PTPRG: variants seen among roughly 807,000 people sequenced by gnomAD.
The protein encoded by PTPRG is protein tyrosine phosphatase receptor type G.
A neutral mutation model predicts 165.3 loss-of-function variants in PTPRG; 102 were observed. The ratio of observed to expected loss-of-function variants is 0.62; its 90% CI spans 0.53 to 0.73. PTPRG has a LOEUF of 0.73. Among genes scored for constraint, PTPRG ranks in the 30% least tolerant of loss-of-function variants. PTPRG has a pLI of 0.00. For synonymous variants in PTPRG, 675 were observed against 669.5 expected (o/e 1.01, Z -0.13); for missense variants, 1,866 against 1,861.4 (o/e 1.00, Z -0.05).
intron 4 of PTPRG, among the ~76,000 whole-genome samples, chr3:62,039,500 T>C (rs916182745): frequency 2.0e-5 from 3 of 152,198 alleles, no homozygotes; most frequent in Non-Finnish European, 2.9e-5. Context: ...CCAAATATTG[T>C]GATGGGTGTT....
intron 1 of PTPRG, among the ~76,000 whole-genome samples, chr3:61,697,923 A>G (rs529060119): frequency 1.7e-4 from 26 of 152,170 alleles, no homozygotes; most frequent in Admixed American, 3.9e-4. Flanking sequence ...TTTTATCCCT[A>G]CAACACCAAG....
intron 8 of PTPRG, among the ~76,000 whole-genome samples, chr3:62,186,567 C>CTTTTTTTTTT (rs35133425): frequency 0.11 from 12,413 of 116,080 alleles, 1,039 homozygotes; most frequent in African/African-American, 0.18. Flanking sequence ...TTTTCTTTTC[C>CTTTTTTTTTT]TTTTTTTTTT....
intron 1 of PTPRG, among the ~76,000 whole-genome samples, chr3:61,630,631 A>G (rs753171706): frequency 2.6e-5 from 4 of 152,108 alleles, no homozygotes; most frequent in East Asian, 3.9e-4. Context: ...ATTCATTGCA[A>G]TGTGTTTGTG....
chr3:62,149,655 C>T (rs944610916), intron 6 of PTPRG, among the ~76,000 whole-genome samples: 7 of 152,180 alleles, frequency 4.6e-5, no homozygotes, highest in African/African-American at 7.2e-5. Context: ...CCCAACTTGC[C>T]GTTTCTCACC....
chr3:62,021,902 C>G (rs1325646504), intron 4 of PTPRG, among the ~76,000 whole-genome samples: 3 of 40,704 alleles, frequency 7.4e-5, no homozygotes, highest in East Asian at 1.2e-3. Flanking sequence ...TTTAGACTTT[C>G]TATTGTTTTC....
intron 5 of PTPRG, among the ~76,000 whole-genome samples, chr3:62,091,526 A>G (rs967577227): frequency 1.3e-5 from 2 of 152,142 alleles, no homozygotes; most frequent in Non-Finnish European, 2.9e-5. Context: ...AAAGGGCCCT[A>G]TAAGATTTTC....
intron 4 of PTPRG, among the ~76,000 whole-genome samples, chr3:62,049,244 C>G (rs758893797): frequency 1.1e-4 from 16 of 152,130 alleles, no homozygotes; most frequent in Non-Finnish European, 2.1e-4. Flanking sequence ...GCAGCATGTT[C>G]ACTGTTTTAA....
intron 15 of PTPRG, among the ~76,000 whole-genome samples, chr3:62,253,279 A>G (rs1701462900): frequency 6.6e-6 from 1 of 152,166 alleles, no homozygotes; most frequent in Non-Finnish European, 1.5e-5. Context: ...TCGGGAATCT[A>G]AAATTCTAAA....
intron 13 of PTPRG, among the ~76,000 whole-genome samples, chr3:62,225,421 G>A (rs1032865548): frequency 1.3e-5 from 2 of 152,140 alleles, no homozygotes; most frequent in Non-Finnish European, 2.9e-5. Context: ...TGTGCTAGGG[G>A]GTGCAACTTA....
At position 62,016,073 on chromosome 3, in the gene PTPRG, A is replaced by G. The variant is rs186071227; in HGVS notation, c.519+12576A>G. On this transcript the variant is annotated intron_variant, in intron 4 of 29. Coordinates refer to ENST00000474889, the MANE Select transcript of PTPRG (RefSeq NM_002841.4). ...TAGAGAAGTGATCATTAAGCACATT[A>G]TTAATAGTATAAACCCCCTCCTCAT... Among the ~76,000 whole-genome samples, 147 of 152,324 alleles carry G rather than the reference A, an allele frequency of 9.7e-4. 1 individual carries two copies. The highest frequency in any genetic ancestry group is 1.7e-3 in the Non-Finnish European group (114 of 68,018).
At chr3:62,031,258 G>T (rs567081682) in intron 4 of PTPRG, among the ~76,000 whole-genome samples, 15 of 152,186 alleles carry the variant, frequency 9.9e-5, no homozygotes, top group Non-Finnish European at 1.8e-4. Flanking sequence ...AAGATGAGTG[G>T]CTTACCTAGC....
At chr3:61,791,134 T>G in intron 2 of PTPRG, among the ~76,000 whole-genome samples, 1 of 152,236 alleles carries the variant, frequency 6.6e-6, no homozygotes, top group Admixed American at 6.5e-5. Context: ...ACTTGACTTC[T>G]GCACCTGTTT....
rs574804501 is a variant in PTPRG at position 61,627,643 on chromosome 3, C to T, written c.85+65271C>T. On this transcript the variant is annotated intron_variant, in intron 1 of 29. Transcript: ENST00000474889. ...CCATTTTCCTTTATTTGAACTCAGC[C>T]CCATGGAATAAAGGGAATGTTTTAT... 4.6e-5 allele frequency among the ~76,000 whole-genome samples: 7 copies of T among 152,182 alleles called. No individual in the cohort carries two copies. In the South Asian group the frequency reaches 1.5e-3, roughly 32 times the overall value.
At chr3:61,842,198 C>T (rs2036657690) in intron 2 of PTPRG, among the ~76,000 whole-genome samples, 2 of 152,304 alleles carry the variant, frequency 1.3e-5, no homozygotes, top group South Asian at 2.1e-4. Flanking sequence ...CCAAGGTTAG[C>T]AACCTCCTCC....
chr3:61,895,789 A>G (rs2038338724), intron 2 of PTPRG, among the ~76,000 whole-genome samples: 1 of 152,242 alleles, frequency 6.6e-6, no homozygotes, highest in Non-Finnish European at 1.5e-5. Flanking sequence ...CTCTTTAAAA[A>G]TTTGAAAGTG....
chr3:62,046,359 C>G (rs1004118888), intron 4 of PTPRG, among the ~76,000 whole-genome samples: 16 of 152,296 alleles, frequency 1.1e-4, no homozygotes, highest in African/African-American at 3.8e-4. Flanking sequence ...TTTCTCCCTT[C>G]TGTGTGACTG....
At chr3:61,876,644 C>T (rs1021793497) in intron 2 of PTPRG, among the ~76,000 whole-genome samples, 1 of 152,132 alleles carries the variant, frequency 6.6e-6, no homozygotes, top group Non-Finnish European at 1.5e-5. Flanking sequence ...CGTGGTGGCT[C>T]ACATCTGTAA....
At chr3:62,266,574 A>G (rs1256597459) in intron 17 of PTPRG, among the ~76,000 whole-genome samples, 1 of 152,046 alleles carries the variant, frequency 6.6e-6, no homozygotes, top group Admixed American at 6.6e-5. Context: ...CAACAAAAAC[A>G]GTTCACAGTT....
At chr3:61,628,847 A>G (rs1485988537) in intron 1 of PTPRG, among the ~76,000 whole-genome samples, 3 of 152,184 alleles carry the variant, frequency 2.0e-5, no homozygotes, top group Non-Finnish European at 2.9e-5. Flanking sequence ...CAAGGAAGGA[A>G]AGGAAACTGA....
Sources: gnomAD v4.1 joint callset for allele counts (sites outside exome capture counted in the v4.1 genomes callset) on GRCh38, gnomAD v4.1.1 for gene constraint, MANE v1.5 for transcripts, NCBI Gene and HGNC (gene_info 2026-07-23, HGNC 2026-07-21) for gene names.